The following TTC38 variants were observed in gnomAD, a reference collection of about 807,000 sequenced individuals.
TTC38 encodes the protein tetratricopeptide repeat domain 38.
In TTC38, 64 loss-of-function variants were observed where a neutral mutation model predicts 64.2. That is an observed-to-expected ratio of 1.00 (90% CI 0.81 to 1.23). TTC38 has a LOEUF of 1.23. Ranked by LOEUF, TTC38 falls within the 50% of genes most tolerant of loss-of-function variation. The pLI, the probability that TTC38 is intolerant of heterozygous loss-of-function variation, is 0.00. For synonymous variants in TTC38, 254 were observed against 249.3 expected, an observed-to-expected ratio of 1.02 and a Z score of -0.18; for missense variants, 573 against 615.5, an observed-to-expected ratio of 0.93 and a Z score of 0.73.
chr22:46,285,448 T>A (rs1356586927), intron 9 of TTC38, among the ~76,000 whole-genome samples, 169 bp downstream of exon 9: 1 of 152,160 alleles, frequency 6.6e-6, no homozygotes, highest in Non-Finnish European at 1.5e-5. Flanking sequence ...AGAGCAATGT[T>A]GTAACCCTGC....
At position 46,282,080 on chromosome 22, in the gene TTC38, T is replaced by C; in HGVS notation, c.735+362T>C. The C allele has an allele frequency of 2.3e-6, 1 of 432,694 alleles. No homozygotes were observed. Among genetic ancestry groups the C allele is most frequent in the Non-Finnish European group, 4.8e-6 (1 of 208,438 alleles). The allele number at this position is 432,694 out of a possible 1,614,324, so 26.8% of individuals were successfully genotyped here. A position where few individuals can be genotyped will look rare whatever the true frequency, so the allele number is the denominator to read the frequency against. On this transcript the variant is annotated intron_variant, in intron 7 of 13. Transcript: ENST00000381031. The surrounding 1 kb of genome is among the most constrained non-coding windows in gnomAD (Gnocchi z 4.4). ...GAGGAAGCATTAAACTCAACTGGGC[T>C]TGGGGGGACAGTGGCTAGGGAAGGC... is the stretch of plus-strand genomic sequence containing the variant.
chr22:46,269,667 G>T (rs987769623), intron 2 of TTC38, among the ~76,000 whole-genome samples: 1 of 152,252 alleles, frequency 6.6e-6, no homozygotes, highest in Admixed American at 6.5e-5. Context: ...TGCGCCATGG[G>T]TGCCTCTCCT....
At position 46,274,168 on chromosome 22, in the gene TTC38, G is replaced by A. The variant is rs1936959393; in HGVS notation, c.365+99G>A. ...GATGCCCTTGGGACGGGGGCGGGGT[G>A]GGAGAATGCTTCTCTCCCTGCCTCC... On this transcript the variant is annotated intron_variant, in intron 4 of 13. Transcript: ENST00000381031. The surrounding 1 kb of genome is among the most constrained non-coding windows in gnomAD (Gnocchi z 4.8). The A allele has an allele frequency of 2.0e-6, 2 of 997,486 alleles. No individual in the cohort carries two copies. The highest frequency in any genetic ancestry group is 3.0e-5 in the South Asian group (2 of 66,616). The allele number at this position is 997,486 out of a possible 1,614,324, so 61.8% of individuals were successfully genotyped here.
chr22:46,285,494 G>A lies in TTC38; in HGVS notation c.834+215G>A, dbSNP rs541621134. Among the ~76,000 whole-genome samples, 11 of 152,254 alleles carry A rather than the reference G, an allele frequency of 7.2e-5. No individual in the cohort carries two copies. The South Asian group carries it at 8.3e-4, about 11-fold the overall frequency. ...GACAGTGGTTGGCCCTGCTCAACTCGAGGGTGCTGATAGATTTACACATCT... is the reference window on the plus strand; with the variant it reads ...GACAGTGGTTGGCCCTGCTCAACTCAAGGGTGCTGATAGATTTACACATCT... On this transcript the variant is annotated intron_variant, in intron 9 of 13. Transcript: ENST00000381031.
rs543866937 is a variant in TTC38, at chr22:46,281,708, C to A, written c.725C>A (p.Thr242Asn). ...DGLEFMQHSE[T>N]FWKDSDMLAC... ...TTGGAATTCATGCAGCACTCAGAGACCTTCTGGAAGGTATGATGCTTGTCA... is the reference window on the plus strand; with the variant it reads ...TTGGAATTCATGCAGCACTCAGAGAACTTCTGGAAGGTATGATGCTTGTCA... Residue 242 changes from threonine to asparagine, a missense_variant, in exon 7 of 14, where the codon ACC (threonine) becomes AAC (asparagine). Transcript: ENST00000381031. This position sits in a 1 kb window ranked among gnomAD's most constrained non-coding sequence, Gnocchi z 5.2. The A allele has an allele frequency of 1.2e-5, 20 of 1,614,042 alleles. No individual in the cohort carries two copies. The African/African-American group carries it at 2.7e-4, about 22-fold the overall frequency.
chr22:46,289,265 G>A (rs573391444), intron 11 of TTC38, 137 bp from the exon 12 acceptor site: 70 of 1,140,926 alleles, frequency 6.1e-5, no homozygotes, highest in South Asian at 5.4e-4. Context: ...GGGCTGCCCC[G>A]CCTGTCACCT....
At position 46,291,757 on chromosome 22, in the gene TTC38, C is replaced by G. The variant is rs1003739280; in HGVS notation, c.1317-1034C>G. 6.6e-6 allele frequency among the ~76,000 whole-genome samples: 1 copy of G among 152,138 alleles called. No individual in the cohort carries two copies. Among genetic ancestry groups the G allele is most frequent in the Non-Finnish European group, 1.5e-5 (1 of 68,028 alleles). On this transcript the variant is annotated intron_variant, in intron 13 of 13. Coordinates refer to ENST00000381031, the MANE Select transcript of TTC38 (RefSeq NM_017931.4). This position sits in a 1 kb window ranked among gnomAD's most constrained non-coding sequence, Gnocchi z 4.6. ...ATCACCTGAGGTCAGGAGTTCAAGA[C>G]CAGCCTGGCTAATATGGTGAAACTC...
Position 46,276,783 on chromosome 22 carries a change from A to AAATATATATTG in TTC38, c.539+1364_539+1365insTATATATTGAA, listed in dbSNP as rs2077491415. On this transcript the variant is annotated intron_variant, in intron 5 of 13. Transcript: ENST00000381031. This position sits in a 1 kb window ranked among gnomAD's most constrained non-coding sequence, Gnocchi z 4.7. ...TAAAAATATATATTAAATATATATTAAAATATATATTAAAAATTATATATT... is the reference window on the plus strand; with the variant it reads ...TAAAAATATATATTAAATATATATTAAATATATATTGAAATATATATTAAAAATTATATATT... Among the ~76,000 whole-genome samples, 5 of 120,176 alleles carry AAATATATATTG rather than the reference A, an allele frequency of 4.2e-5. No homozygotes were observed. Among genetic ancestry groups the AAATATATATTG allele is most frequent in the African/African-American group, 2.1e-4 (5 of 23,682 alleles). 78.8% of individuals were successfully genotyped at this position (120,176 alleles called of 152,430 possible).
rs775281672 is a variant in TTC38, at chr22:46,273,951, G to A, written c.247G>A (p.Val83Met). 2.7e-5 allele frequency: 44 copies of A among 1,614,108 alleles called. No individual in the cohort carries two copies. Among genetic ancestry groups the A allele is most frequent in the Non-Finnish European group, 3.4e-5 (40 of 1,180,044 alleles). Residue 83 changes from valine (V) to methionine (M), a missense_variant, in exon 4 of 14, where the codon GTG (valine) becomes ATG (methionine). Physicochemically the swap from Val to Met is conservative, Grantham distance 21. Coordinates refer to ENST00000381031, the MANE Select transcript of TTC38 (RefSeq NM_017931.4). This position sits in a 1 kb window ranked among gnomAD's most constrained non-coding sequence, Gnocchi z 5.1. ...GLVLIGTGSSVKLDKELDLAV... is the reference protein window; with the variant it reads ...GLVLIGTGSSMKLDKELDLAV... ...TGTGCTGATTGGCACTGGAAGCTCC[G>A]TGAAGCTGGACAAAGAGCTGGACCT... is the stretch of plus-strand genomic sequence containing the variant.
In TTC38 at chr22:46,289,351, CGGATGTTCTGTGAT is replaced by C. The variant is rs527381173; in HGVS notation, c.1083-48_1083-35del. Reference sequence around the variant, plus strand: ...GAGGAAGAAATGGCTCTGCCCTTCCCGGATGTTCTGTGATGGGCAGGCAGCTGAGGGCACCGTCT... The same window carrying C: ...GAGGAAGAAATGGCTCTGCCCTTCCCGGGCAGGCAGCTGAGGGCACCGTCT... On this transcript the variant is annotated intron_variant, in intron 11 of 13. Transcript: ENST00000381031. The C allele has an allele frequency of 1.7e-4, 268 of 1,584,310 alleles. No homozygotes were observed. In the East Asian group the frequency reaches 5.9e-3, roughly 35 times the overall value.
At chr22:46,287,175 A>C (rs1238989903) in intron 10 of TTC38, 21 bp downstream of exon 10, 5 of 1,584,340 alleles carry the variant, frequency 3.2e-6, no homozygotes, top group Non-Finnish European at 3.4e-6. Flanking sequence ...CTGCAGCCCC[A>C]CTGGCTTCTG....
intron 10 of TTC38, 93 bp downstream of exon 10, chr22:46,287,247 C>T (rs2077578407): frequency 8.5e-7 from 1 of 1,173,122 alleles, no homozygotes; most frequent in Admixed American, 2.2e-5. Flanking sequence ...TGGGCAAGAG[C>T]TCATGGGTGA....
intron 2 of TTC38, chr22:46,269,224 G>T: frequency 2.9e-6 from 1 of 339,590 alleles, no homozygotes; most frequent in Non-Finnish European, 6.1e-6. Flanking sequence ...TCCCATTGTG[G>T]CCTGCTGAGG....
chr22:46,286,185 A>AG lies in TTC38; in HGVS notation c.835-883dup, dbSNP rs1601882080. Reference sequence around the variant, plus strand: ...CCCCAGGCCCAGGCATTCTTTTGAGAGGGGGAAAAAAAAAAGCCTGAAGCC... The same window carrying AG: ...CCCCAGGCCCAGGCATTCTTTTGAGAGGGGGGAAAAAAAAAAGCCTGAAGCC... On this transcript the variant is annotated intron_variant, in intron 9 of 13. Coordinates refer to ENST00000381031, the MANE Select transcript of TTC38 (RefSeq NM_017931.4). 2.6e-5 allele frequency among the ~76,000 whole-genome samples: 4 copies of AG among 151,492 alleles called. No homozygotes were observed. In the South Asian group the frequency reaches 6.2e-4, roughly 24 times the overall value.
In TTC38 at chr22:46,287,085, C is replaced by T; in HGVS notation, c.847C>T (p.Leu283=). 6.2e-7 allele frequency: 1 copy of T among 1,602,334 alleles called. No individual in the cohort carries two copies. The highest frequency in any genetic ancestry group is 1.1e-5 in the South Asian group (1 of 90,380). The change falls in exon 10 of 14, where the codon CTG becomes TTG. Residue 283 remains leucine, a synonymous_variant. Transcript: ENST00000381031. ...TIYDTHILPS[L]QANDAMLDVV... is the part of the protein sequence containing the mutation. ...CCCTGTCTTCCAGATCCTTCCCAGCCTGCAGGCCAACGATGCAATGCTGGA... is the reference window on the plus strand; with the variant it reads ...CCCTGTCTTCCAGATCCTTCCCAGCTTGCAGGCCAACGATGCAATGCTGGA...
rs574022658 is a variant in TTC38, at chr22:46,287,539, T to C, written c.916+385T>C. 6.6e-5 allele frequency among the ~76,000 whole-genome samples: 10 copies of C among 152,348 alleles called. No individual in the cohort carries two copies. The East Asian group carries it at 1.5e-3, about 24-fold the overall frequency. On this transcript the variant is annotated intron_variant, in intron 10 of 13. Coordinates refer to ENST00000381031, the MANE Select transcript of TTC38 (RefSeq NM_017931.4). ...CTAAAACATGAGAGAGTTTCTCAAC[T>C]CCCTGGGATTGTAGACAGGTTTCTC...
chr22:46,281,577 C>G lies in TTC38; in HGVS notation c.616-22C>G. 1 of 1,613,042 alleles carries G rather than the reference C, an allele frequency of 6.2e-7. No individual in the cohort carries two copies. The highest frequency in any genetic ancestry group is 8.5e-7 in the Non-Finnish European group (1 of 1,179,290). On this transcript the variant is annotated intron_variant, in intron 6 of 13. Coordinates refer to ENST00000381031, the MANE Select transcript of TTC38 (RefSeq NM_017931.4). The surrounding 1 kb of genome is among the most constrained non-coding windows in gnomAD (Gnocchi z 5.2). ...TGACTGATCTGCTTTATCTGGAATC[C>G]TCTTCCCCGCACCCTGCGTAGGCTT...
At chr22:46,277,046 TACACACACACACACACAC>T (rs4044315) in intron 5 of TTC38, among the ~76,000 whole-genome samples, 5 of 131,334 alleles carry the variant, frequency 3.8e-5, no homozygotes, top group Admixed American at 3.1e-4. Context: ...TATATATACA[TACACACACACACACACAC>T]ACACACACAC....
chr22:46,292,397 C>T lies in TTC38; in HGVS notation c.1317-394C>T. 1 of 302,404 alleles carries T rather than the reference C, an allele frequency of 3.3e-6. No homozygotes were observed. The highest frequency in any genetic ancestry group is 3.1e-5 in the South Asian group (1 of 32,074). 18.7% of individuals were successfully genotyped at this position (302,404 alleles called of 1,614,324 possible). On this transcript the variant is annotated intron_variant, in intron 13 of 13. Coordinates refer to ENST00000381031, the MANE Select transcript of TTC38 (RefSeq NM_017931.4). The surrounding 1 kb of genome is among the most constrained non-coding windows in gnomAD (Gnocchi z 6.5). ...ATTCACAAGGGCCCCACCCTCATGA[C>T]TTAATCACCTCCAAGAGGCCCTGTT...
Sources: gnomAD v4.1 joint callset for allele counts (sites outside exome capture counted in the v4.1 genomes callset) on GRCh38, gnomAD v4.1.1 for gene constraint, Gnocchi (gnomAD v3.1) non-coding constraint, MANE v1.5 for transcripts, NCBI Gene and HGNC (gene_info 2026-07-23, HGNC 2026-07-21) for gene names.